Variants in ADAMTS6 observed in about 807,000 individuals in gnomAD.
ADAMTS6 encodes the protein A disintegrin and metalloproteinase with thrombospondin motifs 6.
ADAMTS6 carries 23 observed loss-of-function variants against 144.3 expected under a neutral mutation model. That is an observed-to-expected ratio of 0.16 (90% confidence interval 0.11 to 0.23). The LOEUF is 0.23. Among genes scored for constraint, ADAMTS6 ranks in the 10% least tolerant of loss-of-function variants. The pLI, the probability that ADAMTS6 is intolerant of heterozygous loss-of-function variation, is 1.00. For missense variants in ADAMTS6, 999 were observed against 1,379.6 expected (o/e 0.72, Z 4.37); for synonymous variants, 444 against 457.5 (o/e 0.97, Z 0.38).
chr5:65,168,174 A>T (rs1753325344), intron 24 of ADAMTS6, among the ~76,000 whole-genome samples: 2 of 146,754 alleles, frequency 1.4e-5, no homozygotes, highest in South Asian at 4.4e-4. Context: ...CTGATAAGCA[A>T]CTTCAGCAAA....
intron 24 of ADAMTS6, among the ~76,000 whole-genome samples, chr5:65,164,200 G>A (rs371938786): frequency 0.022 from 3,269 of 151,938 alleles, 116 homozygotes; most frequent in African/African-American, 0.076. Context: ...GAAGCAGGGC[G>A]AGGCATTGCC....
intron 7 of ADAMTS6, among the ~76,000 whole-genome samples, chr5:65,390,413 T>G (rs1752817933): frequency 6.6e-6 from 1 of 152,060 alleles, no homozygotes. Context: ...TAGAGTAGAT[T>G]AGAGGATTAA....
At chr5:65,197,194 T>C (rs1171279802) in intron 20 of ADAMTS6, 43 bp from the exon 21 acceptor site, 2 of 1,604,990 alleles carry the variant, frequency 1.2e-6, no homozygotes, top group Non-Finnish European at 1.7e-6. Flanking sequence ...GAAGTTTACC[T>C]TCCATTAAGT....
chr5:65,403,761 A>G (rs983737163), intron 7 of ADAMTS6, among the ~76,000 whole-genome samples: 1 of 152,124 alleles, frequency 6.6e-6, no homozygotes, highest in Admixed American at 6.6e-5. Context: ...TCCCACACAC[A>G]TATACAAATA....
chr5:65,190,620 T>C (rs1298524445), intron 21 of ADAMTS6, among the ~76,000 whole-genome samples: 4 of 152,162 alleles, frequency 2.6e-5, no homozygotes, highest in African/African-American at 9.7e-5. Context: ...TTCAGAAGTG[T>C]TGCAAAGGGT....
intron 14 of ADAMTS6, among the ~76,000 whole-genome samples, chr5:65,249,578 C>T (rs1405847430): frequency 1.3e-5 from 2 of 152,184 alleles, no homozygotes; most frequent in Non-Finnish European, 2.9e-5. Context: ...AACTTCTGCT[C>T]CAGCTCTGAA....
intron 7 of ADAMTS6, among the ~76,000 whole-genome samples, chr5:65,432,384 C>T (rs925671685): frequency 6.6e-6 from 1 of 151,944 alleles, no homozygotes; most frequent in African/African-American, 2.4e-5. Flanking sequence ...GCCTGGCATC[C>T]AATTCTTTGG....
chr5:65,416,367 T>C (rs934739440), intron 7 of ADAMTS6: 1 of 152,426 alleles, frequency 6.6e-6, no homozygotes, highest in African/African-American at 2.4e-5. Context: ...GCAGTCACTT[T>C]GGAAAATAAT....
At chr5:65,187,306 A>G (rs578077041) in intron 22 of ADAMTS6, among the ~76,000 whole-genome samples, 1 of 152,096 alleles carries the variant, frequency 6.6e-6, no homozygotes, top group East Asian at 1.9e-4. Context: ...TCATAAGATA[A>G]TTTTTCTGAG....
chr5:65,430,832 ACTC>A (rs1206722824), intron 7 of ADAMTS6, among the ~76,000 whole-genome samples: 10 of 152,026 alleles, frequency 6.6e-5, no homozygotes, highest in African/African-American at 2.4e-4. Flanking sequence ...TTCTTTGTTG[ACTC>A]CTCATTCTTC....
At chr5:65,262,552 T>G (rs1371527212) in intron 13 of ADAMTS6, among the ~76,000 whole-genome samples, 3 of 152,170 alleles carry the variant, frequency 2.0e-5, no homozygotes, top group Non-Finnish European at 4.4e-5. Context: ...TGATTATTAT[T>G]AGATTAAAAG....
At chr5:65,216,782 TACAC>T (rs10584577) in intron 18 of ADAMTS6, among the ~76,000 whole-genome samples, 43,647 of 148,494 alleles carry the variant, frequency 0.29, 6,434 homozygotes, top group Admixed American at 0.38. Context: ...TTACAAGAAA[TACAC>T]ACACACACAC....
At chr5:65,290,774 T>C (rs1742223079) in intron 11 of ADAMTS6, among the ~76,000 whole-genome samples, 1 of 152,152 alleles carries the variant, frequency 6.6e-6, no homozygotes. Flanking sequence ...AAGGCAGACA[T>C]GCAGAATAAA....
At chr5:65,443,566 G>A in intron 7 of ADAMTS6, among the ~76,000 whole-genome samples, 1 of 132,340 alleles carries the variant, frequency 7.6e-6, no homozygotes, top group South Asian at 2.4e-4. Flanking sequence ...GGGTTGCAAT[G>A]AGCTTAAGAT....
At position 65,453,195 on chromosome 5, in the gene ADAMTS6, A is replaced by G. The variant is rs559874161; in HGVS notation, c.632-277T>C. 3.9e-5 allele frequency among the ~76,000 whole-genome samples: 6 copies of G among 152,324 alleles called. No homozygotes were observed. In the East Asian group the frequency reaches 9.6e-4, roughly 24 times the overall value. On this transcript the variant is annotated intron_variant, in intron 4 of 24. Transcript: ENST00000381055. ...AATTTTCAAATAGTCATTTCATATT[A>G]TTCCAGTAATTACATCTTAATACAT...
chr5:65,444,998 A>G (rs73762003), intron 7 of ADAMTS6, among the ~76,000 whole-genome samples: 5,493 of 152,298 alleles, frequency 0.036, 354 homozygotes, highest in African/African-American at 0.13. Flanking sequence ...GCACTTAAGT[A>G]TCTGGTACTT....
At chr5:65,451,994 T>C in intron 6 of ADAMTS6, 139 bp downstream of exon 6, 1 of 676,436 alleles carries the variant, frequency 1.5e-6, no homozygotes, top group East Asian at 3.0e-5. Flanking sequence ...AGATATTAAA[T>C]GTGTAGAGCT....
chr5:65,427,959 CT>C (rs1215666493), intron 7 of ADAMTS6, among the ~76,000 whole-genome samples: 1 of 151,886 alleles, frequency 6.6e-6, no homozygotes, highest in Non-Finnish European at 1.5e-5. Flanking sequence ...CCAGGCACGG[CT>C]CACACCTATA....
At chr5:65,438,493 C>T (rs1314318685) in intron 7 of ADAMTS6, among the ~76,000 whole-genome samples, 2 of 152,198 alleles carry the variant, frequency 1.3e-5, no homozygotes, top group Non-Finnish European at 2.9e-5. Flanking sequence ...CGCCACTGCA[C>T]TCCAGCCTGG....
Sources: gnomAD v4.1 joint callset for allele counts (sites outside exome capture counted in the v4.1 genomes callset) on GRCh38, gnomAD v4.1.1 for gene constraint, MANE v1.5 for transcripts, NCBI Gene and HGNC (gene_info 2026-07-23, HGNC 2026-07-21) for gene names.